LIG3: variants seen among roughly 807,000 people sequenced by gnomAD.
The protein encoded by LIG3 is ligase II, DNA, ATP-dependent.
In LIG3, 58 loss-of-function variants were observed where a neutral mutation model predicts 110.9. The ratio of observed to expected loss-of-function variants is 0.52; its 90% CI spans 0.42 to 0.65. The LOEUF (loss-of-function observed/expected upper bound fraction) is 0.65. LIG3 is among the 30% of genes least tolerant of loss of function. The probability of loss-of-function intolerance (pLI) is 0.00; values close to 1 mark genes in which losing one functional copy is unlikely to be tolerated. For missense variants in LIG3, 1,094 were observed against 1,273.8 expected (o/e 0.86, Z 2.15); for synonymous variants, 422 against 472.8 (o/e 0.89, Z 1.39).
chr17:34,997,895 A>C, intron 12 of LIG3, 70 bp downstream of exon 12: 1 of 1,126,334 alleles, frequency 8.9e-7, no homozygotes, highest in East Asian at 2.4e-5. Context: ...CCTTGGGTCA[A>C]CTGCGACTGG....
At chr17:34,985,037 C>G (rs919430891) in intron 2 of LIG3, among the ~76,000 whole-genome samples, 3 of 152,168 alleles carry the variant, frequency 2.0e-5, no homozygotes, top group African/African-American at 7.2e-5. Context: ...CTTGGCCTCC[C>G]AAAGTGCTGG....
At chr17:34,999,566 G>T (rs186810693) in intron 15 of LIG3, 117 bp downstream of exon 15, 2 of 1,341,404 alleles carry the variant, frequency 1.5e-6, no homozygotes, top group East Asian at 4.9e-5. Context: ...GTTGCAGCTT[G>T]CTCAGGGGAG....
chr17:34,992,112 G>T, intron 7 of LIG3, 77 bp downstream of exon 7: 1 of 1,289,052 alleles, frequency 7.8e-7, no homozygotes, highest in South Asian at 1.2e-5. Context: ...CAGGACTTTT[G>T]AGTCCCAGTC....
intron 13 of LIG3, 135 bp from the exon 14 acceptor site, chr17:34,998,463 CTCCTAT>C: frequency 1.7e-6 from 2 of 1,160,962 alleles, no homozygotes; most frequent in Non-Finnish European, 2.5e-6. Flanking sequence ...CTTTGTGTGT[CTCCTAT>C]AGTGCCTGGA....
chr17:35,002,257 A>G (rs1307560205), intron 18 of LIG3, among the ~76,000 whole-genome samples, 153 bp downstream of exon 18: 1 of 152,064 alleles, frequency 6.6e-6, no homozygotes, highest in East Asian at 1.9e-4. Flanking sequence ...GTGTGTGTCC[A>G]GCCATGGGCC....
intron 16 of LIG3, among the ~76,000 whole-genome samples, chr17:35,000,861 G>T (rs555406704): frequency 6.7e-6 from 1 of 149,398 alleles, no homozygotes; most frequent in South Asian, 2.1e-4. Flanking sequence ...TGATCCACCT[G>T]CCTTGGCCTC....
intron 3 of LIG3, 92 bp from the exon 4 acceptor site, chr17:34,989,374 A>G: frequency 8.6e-7 from 1 of 1,164,628 alleles, no homozygotes; most frequent in Non-Finnish European, 1.2e-6. Flanking sequence ...AAATAAAGCT[A>G]AATACCAGCA....
Position 35,001,945 on chromosome 17 carries a change from A to G in LIG3, c.2515A>G (p.Thr839Ala). 1 of 1,611,958 alleles carries G rather than the reference A, an allele frequency of 6.2e-7. No individual in the cohort carries two copies. Among genetic ancestry groups the G allele is most frequent in the Non-Finnish European group, 8.5e-7 (1 of 1,179,200 alleles). ...GTTGTCCAAGGAGAAGGCAGACTTC[A>G]CTGTAGTGGCTGGAGATGAGGGGAG... ...YQLSKEKADF[T>A]VVAGDEGSST... The change falls in exon 18 of 20, where the codon ACT (threonine) becomes GCT (alanine). Residue 839 changes from threonine to alanine, a missense_variant. Transcript: ENST00000378526.
At chr17:34,989,913 T>G (rs2090700225) in intron 4 of LIG3, 3 of 498,480 alleles carry the variant, frequency 6.0e-6, no homozygotes, top group Non-Finnish European at 7.3e-6. Flanking sequence ...CTCCCCTTAT[T>G]CTGCTCCTAG....
chr17:34,985,920 A>G (rs748763866), intron 2 of LIG3, 68 bp from the exon 3 acceptor site: 1 of 1,534,518 alleles, frequency 6.5e-7, no homozygotes, highest in Non-Finnish European at 9.0e-7. Flanking sequence ...CAGTTGATAG[A>G]TTCTTTGGAT....
At chr17:34,983,615 C>A in intron 2 of LIG3, 63 bp downstream of exon 2, 1 of 1,420,136 alleles carries the variant, frequency 7.0e-7, no homozygotes, top group South Asian at 1.4e-5. Flanking sequence ...ATAAGGAGTT[C>A]AACTGCTTTC....
intron 8 of LIG3, chr17:34,994,043 A>G (rs539146463): frequency 2.7e-4 from 115 of 430,928 alleles, no homozygotes; most frequent in Non-Finnish European, 2.9e-5. Context: ...ATATTCCTCA[A>G]AAGGCAAGCT....
chr17:34,996,553 C>G, intron 10 of LIG3, 21 bp from the exon 11 acceptor site: 2 of 1,599,124 alleles, frequency 1.3e-6, no homozygotes, highest in Non-Finnish European at 1.7e-6. Context: ...TGTGTACCTA[C>G]TACCTCATTT....
intron 3 of LIG3, among the ~76,000 whole-genome samples, chr17:34,987,117 C>T (rs769156569): frequency 1.3e-5 from 2 of 152,130 alleles, no homozygotes; most frequent in Non-Finnish European, 2.9e-5. Context: ...CATGCACACA[C>T]GTGTATACAC....
rs1254511901 is a variant in LIG3 at position 34,991,827 on chromosome 17, A to G, written c.1198A>G (p.Ile400Val). ...TGAGCAGCAACAGGCCCTACAGGAC[A>G]TTGCCTCCAGGTGGGGGAGCTGCCT... is the stretch of plus-strand genomic sequence containing the variant. The part of the protein sequence containing the change: ...EDEQQQALQD[I>V]ASRCTANDLK... The change falls in exon 6 of 20, where the codon ATT becomes GTT. Residue 400 changes from isoleucine to valine, a missense_variant. Physicochemically the swap from Ile to Val is conservative, Grantham distance 29. Coordinates refer to ENST00000378526, the MANE Select transcript of LIG3 (RefSeq NM_013975.4). 1 of 1,613,964 alleles carries G rather than the reference A, an allele frequency of 6.2e-7. No individual in the cohort carries two copies. Among genetic ancestry groups the G allele is most frequent in the Non-Finnish European group, 8.5e-7 (1 of 1,179,984 alleles).
rs991675954 is a variant in LIG3, at chr17:34,992,637, A to G, written c.1400A>G (p.Gln467Arg). The change falls in exon 8 of 20, where the codon CAG (glutamine) becomes CGG (arginine). Residue 467 changes from glutamine (Q) to arginine (R), a missense_variant. Physicochemically the swap from Gln to Arg is conservative, Grantham distance 43 (BLOSUM62 1). Coordinates refer to ENST00000378526, the MANE Select transcript of LIG3 (RefSeq NM_013975.4). ...NAQEVEKEPG[Q>R]RRALSVQASL... ...CAGGAGGTGGAGAAGGAGCCGGGCCAGAGACGAGCTCTGAGCGTCCAGGCC... is the reference window on the plus strand; with the variant it reads ...CAGGAGGTGGAGAAGGAGCCGGGCCGGAGACGAGCTCTGAGCGTCCAGGCC... 1.9e-6 allele frequency: 3 copies of G among 1,613,570 alleles called. No homozygotes were observed. The highest frequency in any genetic ancestry group is 1.3e-5 in the African/African-American group (1 of 74,922).
intron 19 of LIG3, chr17:35,003,363 A>G (rs1002201473): frequency 6.1e-6 from 2 of 328,608 alleles, no homozygotes; most frequent in Non-Finnish European, 1.1e-5. Flanking sequence ...AAGTGGTGCA[A>G]TCACAGCGCA....
At chr17:34,987,578 A>T (rs1373220075) in intron 3 of LIG3, among the ~76,000 whole-genome samples, 2 of 152,202 alleles carry the variant, frequency 1.3e-5, no homozygotes, top group Non-Finnish European at 2.9e-5. Flanking sequence ...ATTTTATGTG[A>T]TTGAAAGAAG....
At chr17:34,989,908 C>T (rs569096484) in intron 4 of LIG3, 134 of 508,908 alleles carry the variant, frequency 2.6e-4, no homozygotes, top group Non-Finnish European at 4.5e-4. Context: ...TTCCTCTCCC[C>T]TTATTCTGCT....
Sources: allele counts gnomAD v4.1 joint callset (sites outside exome capture counted in the v4.1 genomes callset), GRCh38; gene constraint gnomAD v4.1.1; transcripts MANE v1.5; gene names NCBI Gene and HGNC (gene_info 2026-07-23, HGNC 2026-07-21).